Variants in MCTP1 observed in about 807,000 individuals in gnomAD.
The protein encoded by MCTP1 is multiple C2 and transmembrane domain containing 1, also known as multiple C2 and transmembrane domain-containing protein 1.
MCTP1 carries 69 observed loss-of-function variants against 120.6 expected under a neutral mutation model. The observed-to-expected ratio is 0.57, with a 90% confidence interval of 0.47 to 0.70. The LOEUF (loss-of-function observed/expected upper bound fraction) is 0.70, where lower values mean the gene tolerates loss of function less well. Among genes scored for constraint, MCTP1 ranks in the 30% least tolerant of loss-of-function variants. MCTP1 has a pLI of 0.00. For synonymous variants in MCTP1, 529 were observed against 493.1 expected, an observed-to-expected ratio of 1.07 and a Z score of -0.96; for missense variants, 1,203 against 1,248.8, an observed-to-expected ratio of 0.96 and a Z score of 0.55.
At chr5:94,850,957 T>C (rs1356979818) in intron 17 of MCTP1, among the ~76,000 whole-genome samples, 1 of 152,150 alleles carries the variant, frequency 6.6e-6, no homozygotes, top group Non-Finnish European at 1.5e-5. Context: ...TGTTCAGAAC[T>C]ATCTACATTC....
chr5:94,894,125 C>T (rs1299820124), intron 11 of MCTP1, among the ~76,000 whole-genome samples: 1 of 152,070 alleles, frequency 6.6e-6, no homozygotes, highest in Non-Finnish European at 1.5e-5. Flanking sequence ...GATCAAAAAG[C>T]AGAAGACTTC....
chr5:95,259,106 G>A (rs1359412784), intron 1 of MCTP1, among the ~76,000 whole-genome samples: 2 of 152,052 alleles, frequency 1.3e-5, no homozygotes, highest in African/African-American at 4.8e-5. Flanking sequence ...TCATCAACTG[G>A]GTAGCCACTA....
At position 94,706,862 on chromosome 5, in the gene MCTP1, TTGTAACCTTC is replaced by T. The variant is rs961285438; in HGVS notation, c.*624_*633del. On this transcript the variant is annotated 3_prime_UTR_variant, in exon 23 of 23. Transcript: ENST00000515393. ...TGATTGAAATTCTATAAAGAAAACTTTGTAACCTTCTGAGTATTGATTCTCTTGAGGGAGT... is the reference window on the plus strand; with the variant it reads ...TGATTGAAATTCTATAAAGAAAACTTTGAGTATTGATTCTCTTGAGGGAGT... The T allele has an allele frequency of 6.6e-6, 1 of 151,892 alleles. No individual in the cohort carries two copies. The highest frequency in any genetic ancestry group is 1.5e-5 in the Non-Finnish European group (1 of 67,896). The allele number at this position is 151,892 out of a possible 1,614,324, so 9.4% of individuals were successfully genotyped here. A position where few individuals can be genotyped will look rare whatever the true frequency, so the allele number is the denominator to read the frequency against.
intron 1 of MCTP1, among the ~76,000 whole-genome samples, chr5:95,186,253 G>A: frequency 7.4e-6 from 1 of 136,010 alleles, no homozygotes; most frequent in Non-Finnish European, 1.6e-5. Context: ...AAATCCCAAG[G>A]AATCTACCAA....
At chr5:94,994,721 T>C (rs535488176) in intron 2 of MCTP1, among the ~76,000 whole-genome samples, 23 of 152,118 alleles carry the variant, frequency 1.5e-4, no homozygotes, top group African/African-American at 3.6e-4. Flanking sequence ...AGATTAACAT[T>C]TGAGTCAGTG....
chr5:95,147,591 T>C (rs1469833058), intron 1 of MCTP1, among the ~76,000 whole-genome samples: 1 of 152,242 alleles, frequency 6.6e-6, no homozygotes, highest in Non-Finnish European at 1.5e-5. Context: ...CTTGTGGGTG[T>C]CACTACATGC....
intron 1 of MCTP1, among the ~76,000 whole-genome samples, chr5:95,069,859 C>T (rs1582139585): frequency 1.3e-5 from 2 of 151,978 alleles, no homozygotes; most frequent in Non-Finnish European, 2.9e-5. Context: ...CTACCACGCC[C>T]GGCTATTTTT....
At chr5:94,950,735 C>T (rs1372710338) in intron 3 of MCTP1, among the ~76,000 whole-genome samples, 1 of 151,904 alleles carries the variant, frequency 6.6e-6, no homozygotes, top group Non-Finnish European at 1.5e-5. Flanking sequence ...GGGCAGATCA[C>T]GAGATCAGGA....
chr5:94,978,091 C>T (rs941689002), intron 2 of MCTP1, among the ~76,000 whole-genome samples: 1 of 152,016 alleles, frequency 6.6e-6, no homozygotes, highest in Non-Finnish European at 1.5e-5. Flanking sequence ...CCAAAGAAGA[C>T]ATACAAATGG....
intron 7 of MCTP1, among the ~76,000 whole-genome samples, chr5:94,919,362 G>C (rs527244461): frequency 3.5e-4 from 53 of 152,008 alleles, no homozygotes; most frequent in African/African-American, 1.3e-3. Flanking sequence ...TTTTCTCGTT[G>C]TGATTTAAAA....
At chr5:94,731,264 ATTC>A (rs879898226) in intron 19 of MCTP1, among the ~76,000 whole-genome samples, 3 of 152,160 alleles carry the variant, frequency 2.0e-5, no homozygotes, top group Non-Finnish European at 2.9e-5. Flanking sequence ...GCCCAAGACA[ATTC>A]TTCTTCCATT....
chr5:94,773,293 T>C (rs1774511025), intron 19 of MCTP1, among the ~76,000 whole-genome samples: 1 of 152,220 alleles, frequency 6.6e-6, no homozygotes. Context: ...GCATGAGATG[T>C]TCCTATAATC....
At chr5:95,186,532 G>A (rs533756033) in intron 1 of MCTP1, among the ~76,000 whole-genome samples, 21 of 152,262 alleles carry the variant, frequency 1.4e-4, no homozygotes, top group African/African-American at 4.3e-4. Context: ...GAAATAAATG[G>A]AGAGATATAC....
chr5:94,735,093 TTG>T (rs1003457964), intron 19 of MCTP1, among the ~76,000 whole-genome samples: 3 of 152,150 alleles, frequency 2.0e-5, no homozygotes, highest in African/African-American at 7.2e-5. Flanking sequence ...GCCAAAGGAT[TTG>T]TGTTTTTGTA....
intron 19 of MCTP1, among the ~76,000 whole-genome samples, chr5:94,757,672 C>A (rs1353102963): frequency 1.3e-5 from 2 of 152,216 alleles, no homozygotes; most frequent in Non-Finnish European, 2.9e-5. Flanking sequence ...GGTCTCATTT[C>A]TCTTTAAATC....
intron 19 of MCTP1, among the ~76,000 whole-genome samples, chr5:94,770,658 G>A (rs1194991344): frequency 1.3e-5 from 2 of 152,174 alleles, no homozygotes; most frequent in Admixed American, 6.5e-5. Context: ...GGAACAAGGT[G>A]TAACAAAGCT....
intron 1 of MCTP1, among the ~76,000 whole-genome samples, chr5:95,102,002 A>G (rs1200216566): frequency 6.6e-6 from 1 of 152,092 alleles, no homozygotes; most frequent in Non-Finnish European, 1.5e-5. Context: ...GTAAATTGTG[A>G]ATGTAGCCAC....
At chr5:95,131,850 A>T (rs140698291) in intron 1 of MCTP1, among the ~76,000 whole-genome samples, 18 of 152,308 alleles carry the variant, frequency 1.2e-4, no homozygotes, top group Non-Finnish European at 2.5e-4. Context: ...TTTTTAAAAC[A>T]TGCATTCCAA....
At chr5:94,863,680 T>C (rs558190595) in intron 17 of MCTP1, among the ~76,000 whole-genome samples, 1 of 152,004 alleles carries the variant, frequency 6.6e-6, no homozygotes, top group African/African-American at 2.4e-5. Flanking sequence ...TAAAAATCCA[T>C]ATGTTGTTTA....
Sources: allele counts gnomAD v4.1 joint callset (sites outside exome capture counted in the v4.1 genomes callset), GRCh38; gene constraint gnomAD v4.1.1; transcripts MANE v1.5; gene names NCBI Gene and HGNC (gene_info 2026-07-23, HGNC 2026-07-21).